RAD51B: variants seen among roughly 807,000 people sequenced by gnomAD.
RAD51B encodes DNA repair protein RAD51 homolog 2.
In RAD51B, 38 loss-of-function variants were observed where a neutral mutation model predicts 42.2. That is an observed-to-expected ratio of 0.90 (90% CI 0.70 to 1.18). The LOEUF is 1.18. Among genes scored for constraint, RAD51B ranks in the 50% most tolerant of loss-of-function variants. The pLI, the probability that RAD51B is intolerant of heterozygous loss-of-function variation, is 0.00. For synonymous variants in RAD51B, 154 were observed against 145.2 expected, an observed-to-expected ratio of 1.06 and a Z score of -0.43; for missense variants, 373 against 400.7, an observed-to-expected ratio of 0.93 and a Z score of 0.59.
At chr14:68,234,703 T>G (rs955133103) in intron 7 of RAD51B, among the ~76,000 whole-genome samples, 4 of 152,186 alleles carry the variant, frequency 2.6e-5, no homozygotes, top group African/African-American at 9.7e-5. Context: ...TGAATGGAGC[T>G]TGCAGGACTG....
chr14:68,445,987 A>T (rs1013279611), intron 9 of RAD51B, among the ~76,000 whole-genome samples: 1 of 152,176 alleles, frequency 6.6e-6, no homozygotes, highest in African/African-American at 2.4e-5. Flanking sequence ...GTGAGGCTAC[A>T]TGTCATGGTT....
intron 8 of RAD51B, among the ~76,000 whole-genome samples, chr14:68,309,281 G>A (rs1349443015): frequency 6.6e-6 from 1 of 152,092 alleles, no homozygotes; most frequent in Non-Finnish European, 1.5e-5. Context: ...AGACAGAGCA[G>A]CTTCATGAAG....
At chr14:68,574,162 G>T (rs1345559831) in intron 10 of RAD51B, among the ~76,000 whole-genome samples, 1 of 152,112 alleles carries the variant, frequency 6.6e-6, no homozygotes, top group Non-Finnish European at 1.5e-5. Flanking sequence ...AGGCTGGAGT[G>T]CAGTGGCACA....
chr14:67,914,123 T>C (rs2044076402), intron 7 of RAD51B, among the ~76,000 whole-genome samples: 1 of 152,026 alleles, frequency 6.6e-6, no homozygotes, highest in Admixed American at 6.6e-5. Context: ...GCTGGGATAT[T>C]AGGTGCATAC....
intron 7 of RAD51B, among the ~76,000 whole-genome samples, chr14:67,934,927 C>G (rs548052491): frequency 5.3e-4 from 81 of 152,304 alleles, no homozygotes; most frequent in Admixed American, 3.1e-3. Flanking sequence ...AGGCTTCTGA[C>G]TTTGAATGCT....
At chr14:68,403,677 C>A (rs2084182692) in intron 8 of RAD51B, among the ~76,000 whole-genome samples, 1 of 152,196 alleles carries the variant, frequency 6.6e-6, no homozygotes, top group Admixed American at 6.5e-5. Flanking sequence ...AACTCCCACA[C>A]CAAATGAGTA....
rs143333354 is a variant in RAD51B, at chr14:68,187,856, C to T, written c.757-104028C>T. 3.2e-3 allele frequency among the ~76,000 whole-genome samples: 481 copies of T among 151,962 alleles called. 2 individuals are homozygous for T. The highest frequency in any genetic ancestry group is 0.011 in the African/African-American group (459 of 41,440). On this transcript the variant is annotated intron_variant, in intron 7 of 10. Coordinates refer to ENST00000471583, the MANE Select transcript of RAD51B (RefSeq NM_133510.4). ...TTGAGGTGAAGTCTTGCTCTGTCAC[C>T]CAGGCTGGAGTGCAGTGGCGCAATC...
intron 7 of RAD51B, among the ~76,000 whole-genome samples, chr14:67,969,244 T>C (rs1236946951): frequency 6.6e-6 from 1 of 152,232 alleles, no homozygotes; most frequent in Non-Finnish European, 1.5e-5. Flanking sequence ...GTACTGGTTC[T>C]GATTAAATGC....
chr14:68,299,351 A>G (rs1358620169), intron 8 of RAD51B, among the ~76,000 whole-genome samples: 2 of 152,232 alleles, frequency 1.3e-5, no homozygotes, highest in East Asian at 3.9e-4. Context: ...ATGAATCAAA[A>G]AATAGTAGGG....
Position 68,682,890 on chromosome 14 carries a change from T to TAAA in RAD51B, c.*11+32037_*11+32039dup, listed in dbSNP as rs1042149531. On this transcript the variant is annotated intron_variant, in intron 11 of 11. Transcript: ENST00000488612. ...TCTCACAAGGCTTTTTTTTTTTTAATAAAAATCTGTAGCTTATGGCTTTTT... is the reference window on the plus strand; with the variant it reads ...TCTCACAAGGCTTTTTTTTTTTTAATAAAAAAAATCTGTAGCTTATGGCTTTTT... The TAAA allele has an allele frequency of 5.6e-6, 5 of 894,778 alleles. No individual in the cohort carries two copies. The African/African-American group carries it at 9.6e-5, about 17-fold the overall frequency. The allele number at this position is 894,778 out of a possible 1,614,324, so 55.4% of individuals were successfully genotyped here.
intron 7 of RAD51B, among the ~76,000 whole-genome samples, chr14:67,917,347 C>T (rs993175733): frequency 1.2e-4 from 19 of 152,086 alleles, no homozygotes; most frequent in Admixed American, 4.6e-4. Flanking sequence ...TGGTGGATGG[C>T]GAAGTGGGAG....
At chr14:68,296,261 A>C (rs139851061) in intron 8 of RAD51B, among the ~76,000 whole-genome samples, 1 of 152,308 alleles carries the variant, frequency 6.6e-6, no homozygotes, top group East Asian at 1.9e-4. Flanking sequence ...TCAACAGAAG[A>C]GATAGGGACA....
chr14:68,552,126 A>T (rs1052959684), intron 10 of RAD51B, among the ~76,000 whole-genome samples: 4 of 152,166 alleles, frequency 2.6e-5, no homozygotes, highest in Non-Finnish European at 4.4e-5. Context: ...AGCCCAGGAG[A>T]TACAGTAACC....
intron 7 of RAD51B, among the ~76,000 whole-genome samples, chr14:68,247,394 T>C (rs1363922315): frequency 6.6e-6 from 1 of 152,220 alleles, no homozygotes; most frequent in African/African-American, 2.4e-5. Flanking sequence ...CTGGAAGGCA[T>C]GGTTATTTTG....
At chr14:68,534,640 G>T (rs1276544831) in intron 10 of RAD51B, among the ~76,000 whole-genome samples, 2 of 152,202 alleles carry the variant, frequency 1.3e-5, no homozygotes, top group African/African-American at 4.8e-5. Context: ...GTTCAAAGAA[G>T]AAGATAAAGA....
At chr14:68,400,792 T>C (rs1286831494) in intron 8 of RAD51B, among the ~76,000 whole-genome samples, 2 of 152,266 alleles carry the variant, frequency 1.3e-5, no homozygotes, top group Admixed American at 6.5e-5. Context: ...ATTTTGCTAG[T>C]ATTTACTTAA....
intron 10 of RAD51B, chr14:68,594,405 C>A: frequency 7.8e-7 from 1 of 1,283,990 alleles, no homozygotes; most frequent in Non-Finnish European, 1.0e-6. Flanking sequence ...CCTCAACCAT[C>A]CTCTTCAGGA....
At chr14:68,170,278 C>T (rs1001472141) in intron 7 of RAD51B, among the ~76,000 whole-genome samples, 1 of 152,192 alleles carries the variant, frequency 6.6e-6, no homozygotes, top group African/African-American at 2.4e-5. Flanking sequence ...GGCCTCATTT[C>T]CTATTTCTTT....
chr14:68,185,374 T>G (rs1431734523), intron 7 of RAD51B, among the ~76,000 whole-genome samples: 4 of 152,224 alleles, frequency 2.6e-5, no homozygotes, highest in Non-Finnish European at 5.9e-5. Context: ...TCATTTCAGT[T>G]TGCTATTCCT....
Sources: allele counts gnomAD v4.1 joint callset (sites outside exome capture counted in the v4.1 genomes callset), GRCh38; gene constraint gnomAD v4.1.1; transcripts MANE v1.5; gene names NCBI Gene and HGNC (gene_info 2026-07-23, HGNC 2026-07-21).